Variants in MRPS31 observed in about 807,000 individuals in gnomAD.
The protein encoded by MRPS31 is mitochondrial ribosomal protein S31.
MRPS31 carries 32 observed loss-of-function variants against 43.1 expected under a neutral mutation model. The observed-to-expected ratio is 0.74, with a 90% CI of 0.56 to 1.00. The LOEUF (loss-of-function observed/expected upper bound fraction) is 1.00. Ranked by LOEUF, MRPS31 falls within the 50% of genes least tolerant of loss-of-function variation. MRPS31 has a pLI of 0.00. For synonymous variants in MRPS31, 165 were observed against 161.6 expected, an observed-to-expected ratio of 1.02 and a Z score of -0.16; for missense variants, 437 against 466.7, an observed-to-expected ratio of 0.94 and a Z score of 0.59.
At chr13:40,741,190 G>T (rs1301041165) in intron 6 of MRPS31, among the ~76,000 whole-genome samples, 2 of 151,736 alleles carry the variant, frequency 1.3e-5, no homozygotes, top group Admixed American at 6.6e-5. Flanking sequence ...CTGAGAACAG[G>T]CTTAATAGGT....
rs982888684 is a variant in MRPS31 at position 40,771,152 on chromosome 13, T to C, written c.-16A>G. 3.7e-5 allele frequency: 59 copies of C among 1,590,858 alleles called. No homozygotes were observed. The highest frequency in any genetic ancestry group is 4.6e-5 in the Non-Finnish European group (54 of 1,166,560). On this transcript the variant is annotated 5_prime_UTR_variant, in exon 1 of 7. Coordinates refer to ENST00000323563, the MANE Select transcript of MRPS31 (RefSeq NM_005830.4). ...TAGGAAACATCGCCGAGACACGAAA[T>C]GAACCAAGAACACAACTGAAATGGT...
chr13:40,759,330 C>A (rs1350186963), intron 2 of MRPS31, among the ~76,000 whole-genome samples: 1 of 151,938 alleles, frequency 6.6e-6, no homozygotes, highest in East Asian at 1.9e-4. Context: ...GCCGGCTACT[C>A]GGGAGGCTGA....
rs1474695489 is a variant in MRPS31, at chr13:40,756,916, C to G, written c.697G>C (p.Asp233His). Residue 233 changes from aspartate (D) to histidine (H), a missense_variant, in exon 4 of 7, where the codon GAC (aspartate) becomes CAC (histidine). Coordinates refer to ENST00000323563, the MANE Select transcript of MRPS31 (RefSeq NM_005830.4). ...GTCTTCTCCTGGCCAGGATAATTGT[C>G]ATAGCCTTCATCAAACTGAATCCGA... ...ELRIQFDEGY[D>H]NYPGQEKTDD... 1.2e-6 allele frequency: 2 copies of G among 1,613,832 alleles called. No homozygotes were observed. Among genetic ancestry groups the G allele is most frequent in the Admixed American group, 3.3e-5 (2 of 59,982 alleles).
chr13:40,744,163 C>T lies in MRPS31; in HGVS notation c.958+4975G>A, dbSNP rs916543121. Among the ~76,000 whole-genome samples the T allele has an allele frequency of 1.1e-3, 166 of 152,234 alleles. 1 individual carries two copies. Among genetic ancestry groups the T allele is most frequent in the African/African-American group, 3.9e-3 (161 of 41,548 alleles). The stretch of plus-strand genomic sequence containing the variant: ...AAGCTAAACACTGAGTACATATAGA[C>T]ACAAAGAAGGGAATGACAGACACTG... On this transcript the variant is annotated intron_variant, in intron 6 of 6. Transcript: ENST00000323563.
chr13:40,759,605 T>C (rs1880637474), intron 2 of MRPS31, among the ~76,000 whole-genome samples: 1 of 152,222 alleles, frequency 6.6e-6, no homozygotes, highest in Non-Finnish European at 1.5e-5. Flanking sequence ...AACTATTAGG[T>C]ACCGGTTTTA....
At chr13:40,747,996 A>G (rs1313812135) in intron 6 of MRPS31, among the ~76,000 whole-genome samples, 1 of 152,210 alleles carries the variant, frequency 6.6e-6, no homozygotes, top group East Asian at 1.9e-4. Context: ...CTTCCATTCC[A>G]ACTATTAATC....
chr13:40,733,391 T>C (rs914253533), intron 6 of MRPS31, among the ~76,000 whole-genome samples: 13 of 151,982 alleles, frequency 8.6e-5, no homozygotes, highest in African/African-American at 3.1e-4. Context: ...CCCCGGAGCA[T>C]AGAACAAAAG....
intron 4 of MRPS31, among the ~76,000 whole-genome samples, chr13:40,755,950 C>A (rs553375442): frequency 8.5e-5 from 13 of 152,216 alleles, no homozygotes; most frequent in African/African-American, 2.6e-4. Flanking sequence ...CTCCTTTATT[C>A]AATAATATGT....
chr13:40,744,399 A>C (rs1031376336), intron 6 of MRPS31, among the ~76,000 whole-genome samples: 2 of 152,342 alleles, frequency 1.3e-5, no homozygotes, highest in South Asian at 2.1e-4. Flanking sequence ...TTAGAGACAC[A>C]AATAAATGAG....
intron 5 of MRPS31, chr13:40,752,470 C>T (rs1194639049): frequency 3.9e-5 from 6 of 152,148 alleles, no homozygotes; most frequent in Non-Finnish European, 7.3e-5. Context: ...TTAGCTTCAC[C>T]TTCAATTCAA....
chr13:40,767,131 G>T, intron 1 of MRPS31, 98 bp from the exon 2 acceptor site: 4 of 981,400 alleles, frequency 4.1e-6, no homozygotes, highest in Non-Finnish European at 5.7e-6. Context: ...ATGTATCTAA[G>T]ATTTTTTTTC....
intron 6 of MRPS31, among the ~76,000 whole-genome samples, chr13:40,734,024 G>T (rs570744869): frequency 6.6e-6 from 1 of 151,528 alleles, no homozygotes; most frequent in Non-Finnish European, 1.5e-5. Context: ...AGCTATTAGG[G>T]AGGCTGAGGC....
At chr13:40,769,703 TAATAG>T (rs1221736232) in intron 1 of MRPS31, among the ~76,000 whole-genome samples, 3 of 152,112 alleles carry the variant, frequency 2.0e-5, no homozygotes, top group Non-Finnish European at 4.4e-5. Context: ...CAAGGTATTT[TAATAG>T]AAAAGTGGTA....
chr13:40,767,457 T>C (rs953739266), intron 1 of MRPS31, among the ~76,000 whole-genome samples: 1 of 152,258 alleles, frequency 6.6e-6, no homozygotes, highest in African/African-American at 2.4e-5. Context: ...TCTTGTGAAA[T>C]ATACTTTATT....
chr13:40,762,118 T>C (rs1055962561), intron 2 of MRPS31, among the ~76,000 whole-genome samples: 6 of 149,916 alleles, frequency 4.0e-5, no homozygotes, highest in African/African-American at 1.5e-4. Flanking sequence ...TGATGGTGCA[T>C]GTCTGTAGTC....
At chr13:40,758,360 T>C (rs1382683094) in intron 3 of MRPS31, among the ~76,000 whole-genome samples, 1 of 152,172 alleles carries the variant, frequency 6.6e-6, no homozygotes, top group South Asian at 2.1e-4. Context: ...CACATGGCCA[T>C]TTCTTTTAAT....
At chr13:40,767,807 T>A (rs1880893059) in intron 1 of MRPS31, among the ~76,000 whole-genome samples, 1 of 152,260 alleles carries the variant, frequency 6.6e-6, no homozygotes, top group Admixed American at 6.5e-5. Flanking sequence ...CAATACCTCT[T>A]TAAAAGTTAT....
intron 6 of MRPS31, among the ~76,000 whole-genome samples, chr13:40,734,457 T>C (rs1184273909): frequency 6.6e-6 from 1 of 152,134 alleles, no homozygotes; most frequent in Non-Finnish European, 1.5e-5. Context: ...AATATTTTTG[T>C]GCATGTGAAT....
At chr13:40,760,368 AT>A (rs1880661883) in intron 2 of MRPS31, among the ~76,000 whole-genome samples, 1 of 151,932 alleles carries the variant, frequency 6.6e-6, no homozygotes, top group Non-Finnish European at 1.5e-5. Context: ...ATACATGTAA[AT>A]TTTACCTGAA....
Sources: gnomAD v4.1 joint callset for allele counts (sites outside exome capture counted in the v4.1 genomes callset) on GRCh38, gnomAD v4.1.1 for gene constraint, MANE v1.5 for transcripts, NCBI Gene and HGNC (gene_info 2026-07-23, HGNC 2026-07-21) for gene names.